GSDME: variants seen among roughly 807,000 people sequenced by gnomAD.
GSDME encodes gasdermin E, also known as gasdermin-E.
Under a neutral mutation model 47.5 loss-of-function variants are expected in GSDME, and 44 were observed. The observed-to-expected ratio is 0.93, with a 90% CI of 0.73 to 1.19. The LOEUF is 1.19. Among genes scored for constraint, GSDME ranks in the 50% most tolerant of loss-of-function variants. The probability of loss-of-function intolerance (pLI) is 0.00; values close to 1 mark genes in which losing one functional copy is unlikely to be tolerated. For missense variants in GSDME, 663 were observed against 604.2 expected, an observed-to-expected ratio of 1.10 and a Z score of -1.02; for synonymous variants, 258 against 252.8, an observed-to-expected ratio of 1.02 and a Z score of -0.20.
the GSDME span, among the ~76,000 whole-genome samples, chr7:24,772,962 C>G: frequency 1.3e-5 from 2 of 152,148 alleles, no homozygotes; most frequent in Non-Finnish European, 2.9e-5. The surrounding 1 kb of genome is among the most constrained non-coding windows in gnomAD (Gnocchi z 4.5). Flanking sequence ...CAATAGCATT[C>G]AAGGACCTAT....
chr7:24,793,751 A>C, the GSDME span, among the ~76,000 whole-genome samples: 24 of 151,600 alleles, frequency 1.6e-4, no homozygotes, highest in Admixed American at 1.3e-4. Flanking sequence ...GTAATATATA[A>C]CGTTCTTTTT....
the GSDME span, among the ~76,000 whole-genome samples, chr7:24,788,206 C>A: frequency 6.6e-6 from 1 of 152,210 alleles, no homozygotes; most frequent in Non-Finnish European, 1.5e-5. This position sits in a 1 kb window ranked among gnomAD's most constrained non-coding sequence, Gnocchi z 4.6. Context: ...TCCCCTGCCC[C>A]AGGGACTGAG....
Position 24,742,888 on chromosome 7 carries a change from G to T in GSDME, c.404+1674C>A, listed in dbSNP as rs770001604. On this transcript the variant is annotated intron_variant, in intron 3 of 9. Transcript: ENST00000645220. This position sits in a 1 kb window ranked among gnomAD's most constrained non-coding sequence, Gnocchi z 4.4. ...ACAATTGCAGTTGAGAAGGAAAATGGGACTCTAGCAAAGATAAGCTGTAGA... is the reference window on the plus strand; with the variant it reads ...ACAATTGCAGTTGAGAAGGAAAATGTGACTCTAGCAAAGATAAGCTGTAGA... 1.3e-5 allele frequency among the ~76,000 whole-genome samples: 2 copies of T among 152,112 alleles called. No individual in the cohort carries two copies. Among genetic ancestry groups the T allele is most frequent in the Non-Finnish European group, 2.9e-5 (2 of 68,018 alleles).
rs1413920239 is a variant in GSDME at position 24,735,076 on chromosome 7, C to CTGG, written c.404+9485_404+9486insCCA. 6.6e-6 allele frequency among the ~76,000 whole-genome samples: 1 copy of CTGG among 152,196 alleles called. No homozygotes were observed. The highest frequency in any genetic ancestry group is 1.5e-5 in the Non-Finnish European group (1 of 68,038). On this transcript the variant is annotated intron_variant, in intron 3 of 9. Coordinates refer to ENST00000645220, the MANE Select transcript of GSDME (RefSeq NM_001127453.2). This position sits in a 1 kb window ranked among gnomAD's most constrained non-coding sequence, Gnocchi z 4.4. Reference sequence around the variant, plus strand: ...AAGAAACTAACTGCATACAATGGAGCTCCAATATGTTTGGCAGCAGACTTT... The same window carrying CTGG: ...AAGAAACTAACTGCATACAATGGAGCTGGTCCAATATGTTTGGCAGCAGACTTT...
chr7:24,753,322 G>C (rs183796919), intron 1 of GSDME, among the ~76,000 whole-genome samples: 6 of 152,312 alleles, frequency 3.9e-5, no homozygotes, highest in Admixed American at 3.9e-4. Context: ...TAGAGGTGTA[G>C]TTAAAAGGAG....
chr7:24,778,706 G>A, the GSDME span, among the ~76,000 whole-genome samples: 1 of 152,268 alleles, frequency 6.6e-6, no homozygotes, highest in East Asian at 1.9e-4. This position sits in a 1 kb window ranked among gnomAD's most constrained non-coding sequence, Gnocchi z 5.6. Flanking sequence ...GGGCAAGCAC[G>A]GAGGGGTGGC....
At chr7:24,717,032 G>A (rs369730708) in intron 5 of GSDME, 60 of 576,640 alleles carry the variant, frequency 1.0e-4, no homozygotes, top group African/African-American at 3.2e-4. Context: ...CAATGTTGGA[G>A]GAGAGGGTGG....
At chr7:24,764,001 C>T in the GSDME span, among the ~76,000 whole-genome samples, 1 of 152,164 alleles carries the variant, frequency 6.6e-6, no homozygotes, top group Non-Finnish European at 1.5e-5. The surrounding 1 kb of genome is among the most constrained non-coding windows in gnomAD (Gnocchi z 4.4). Context: ...CACCTGATTC[C>T]AAGAGTTATC....
rs549553689 is a variant in GSDME at position 24,735,803 on chromosome 7, A to C, written c.404+8759T>G. Among the ~76,000 whole-genome samples, 1 of 151,002 alleles carries C rather than the reference A, an allele frequency of 6.6e-6. No homozygotes were observed. The highest frequency in any genetic ancestry group is 2.4e-5 in the African/African-American group (1 of 41,054). On this transcript the variant is annotated intron_variant, in intron 3 of 9. Coordinates refer to ENST00000645220, the MANE Select transcript of GSDME (RefSeq NM_001127453.2). The surrounding 1 kb of genome is among the most constrained non-coding windows in gnomAD (Gnocchi z 4.4). ...AATAAATAAATAAATAAATAAATAA[A>C]TAAAACTACAAAAACTTTTCAAGAC...
chr7:24,713,763 G>C (rs1392795055), intron 5 of GSDME, among the ~76,000 whole-genome samples: 2 of 152,220 alleles, frequency 1.3e-5, no homozygotes, highest in Non-Finnish European at 2.9e-5. Context: ...AATCCCATTA[G>C]CTACACTGCT....
intron 1 of GSDME, among the ~76,000 whole-genome samples, chr7:24,751,358 T>C (rs1186634121): frequency 6.6e-6 from 1 of 152,246 alleles, no homozygotes; most frequent in Non-Finnish European, 1.5e-5. Flanking sequence ...GAACTGCTTT[T>C]TATTTTTGCT....
rs1790323733 is a variant in GSDME, at chr7:24,736,899, C to G, written c.404+7663G>C. Among the ~76,000 whole-genome samples, 1 of 152,120 alleles carries G rather than the reference C, an allele frequency of 6.6e-6. No individual in the cohort carries two copies. The highest frequency in any genetic ancestry group is 6.5e-5 in the Admixed American group (1 of 15,276). On this transcript the variant is annotated intron_variant, in intron 3 of 9. Transcript: ENST00000645220. This position sits in a 1 kb window ranked among gnomAD's most constrained non-coding sequence, Gnocchi z 4.6. The stretch of plus-strand genomic sequence containing the variant: ...ATGCAAATACATGGAAATTAAACAA[C>G]ATGCTCCTGAATGACCAGTGAGTCA...
intron 5 of GSDME, 82 bp downstream of exon 5, chr7:24,717,172 G>A (rs188703165): frequency 1.7e-6 from 2 of 1,169,716 alleles, no homozygotes; most frequent in East Asian, 3.2e-5. Context: ...AAGCAGTCGA[G>A]TCCTCTGGAA....
chr7:24,738,746 T>C (rs1225039183), intron 3 of GSDME, among the ~76,000 whole-genome samples: 2 of 152,182 alleles, frequency 1.3e-5, no homozygotes, highest in Non-Finnish European at 2.9e-5. Context: ...TGCAGAGCTA[T>C]AGTCATTAAA....
chr7:24,785,074 G>T, the GSDME span, among the ~76,000 whole-genome samples: 2 of 152,182 alleles, frequency 1.3e-5, no homozygotes, highest in African/African-American at 4.8e-5. Context: ...GGTAAAGTAG[G>T]TGTCAGCAAA....
chr7:24,752,955 C>A (rs532172276), intron 1 of GSDME, among the ~76,000 whole-genome samples: 1 of 150,550 alleles, frequency 6.6e-6, no homozygotes, highest in Admixed American at 6.6e-5. Context: ...AGGGATTAGA[C>A]GGTAAAAAAG....
At chr7:24,753,614 A>C (rs534465578) in intron 1 of GSDME, among the ~76,000 whole-genome samples, 1 of 152,368 alleles carries the variant, frequency 6.6e-6, no homozygotes, top group East Asian at 1.9e-4. Context: ...ATAATGTACA[A>C]AAGTATCCAT....
Position 24,726,724 on chromosome 7 carries a change from G to A in GSDME, c.405-7506C>T, listed in dbSNP as rs570625948. On this transcript the variant is annotated intron_variant, in intron 3 of 9. Coordinates refer to ENST00000645220, the MANE Select transcript of GSDME (RefSeq NM_001127453.2). This position sits in a 1 kb window ranked among gnomAD's most constrained non-coding sequence, Gnocchi z 5.6. The stretch of plus-strand genomic sequence containing the variant: ...CGGGAGGCTGAGGCAGAAGAATGGC[G>A]TTAACCCGGGAGGTGGAACTTGCAG... 4.0e-5 allele frequency among the ~76,000 whole-genome samples: 6 copies of A among 151,270 alleles called. No homozygotes were observed. The highest frequency in any genetic ancestry group is 2.1e-4 in the South Asian group (1 of 4,796).
chr7:24,736,691 C>CT lies in GSDME; in HGVS notation c.404+7870_404+7871insA, dbSNP rs1324504697. Among the ~76,000 whole-genome samples, 1 of 152,140 alleles carries CT rather than the reference C, an allele frequency of 6.6e-6. No homozygotes were observed. Among genetic ancestry groups the CT allele is most frequent in the African/African-American group, 2.4e-5 (1 of 41,426 alleles). On this transcript the variant is annotated intron_variant, in intron 3 of 9. Coordinates refer to ENST00000645220, the MANE Select transcript of GSDME (RefSeq NM_001127453.2). This position sits in a 1 kb window ranked among gnomAD's most constrained non-coding sequence, Gnocchi z 4.6. The stretch of plus-strand genomic sequence containing the variant: ...AATAGATATATACAGAACATTTCAT[C>CT]CAACAACTGAAGAATACACATTCTT...
Sources: gnomAD v4.1 joint callset for allele counts (sites outside exome capture counted in the v4.1 genomes callset) on GRCh38, gnomAD v4.1.1 for gene constraint, Gnocchi (gnomAD v3.1) non-coding constraint, MANE v1.5 for transcripts, NCBI Gene and HGNC (gene_info 2026-07-23, HGNC 2026-07-21) for gene names.